C1S: variants seen among roughly 807,000 people sequenced by gnomAD.
The protein encoded by C1S is complement C1s, also known as complement C1s subcomponent.
A neutral mutation model predicts 54.0 loss-of-function variants in C1S; 31 were observed. That is an observed-to-expected ratio of 0.57 (90% CI 0.43 to 0.78). C1S has a LOEUF of 0.78. Ranked by LOEUF, C1S falls within the 30% of genes least tolerant of loss-of-function variation. C1S has a pLI of 0.00. For synonymous variants in C1S, 292 were observed against 303.6 expected, an observed-to-expected ratio of 0.96 and a Z score of 0.40; for missense variants, 727 against 851.8, an observed-to-expected ratio of 0.85 and a Z score of 1.82.
chr12:7,064,151 G>A (rs782084691), intron 4 of C1S, 116 bp from the exon 5 acceptor site: 11 of 1,011,556 alleles, frequency 1.1e-5, no homozygotes, highest in Non-Finnish European at 1.6e-5. Context: ...ATCCCTTGAC[G>A]GATCTTTAAG....
intron 3 of C1S, 99 bp from the exon 4 acceptor site, chr12:7,062,791 C>T: frequency 1.3e-6 from 2 of 1,495,236 alleles, no homozygotes. Context: ...GGAGTCAAGT[C>T]CTAGTGGCAT....
rs149949506 is a variant in C1S at position 7,062,041 on chromosome 12, G to A, written c.5+124G>A. On this transcript the variant is annotated intron_variant, in intron 2 of 11. Transcript: ENST00000360817. ...CCCCAGCACTTTGGGAGGCTGAGGC[G>A]GGAGGATTGCTTGAGCCCAGGACTT... 1,485 of 956,366 alleles carry A rather than the reference G, an allele frequency of 1.6e-3. 48 individuals are homozygous for A. The East Asian group carries it at 0.034, about 22-fold the overall frequency. 59.2% of individuals were successfully genotyped at this position (956,366 alleles called of 1,614,324 possible).
At chr12:7,064,156 T>C in intron 4 of C1S, 111 bp from the exon 5 acceptor site, 1 of 1,077,524 alleles carries the variant, frequency 9.3e-7, no homozygotes, top group Non-Finnish European at 1.4e-6. Flanking sequence ...TTGACGGATC[T>C]TTAAGCAATA....
In C1S at chr12:7,070,058, G is replaced by T. The variant is rs782452456; in HGVS notation, c.1474G>T (p.Val492Leu). ...AACAATGTATGTTGGGTCCACCTCA[G>T]TGCAGACCTCACGGCTGGCAAAATC... The part of the protein sequence containing the change: ...EPTMYVGSTS[V>L]QTSRLAKSKM... The change falls in exon 12 of 12, where the codon GTG (valine) becomes TTG (leucine). Residue 492 changes from valine to leucine, a missense_variant. By Grantham distance (32) the Val-to-Leu change is conservative. Around this residue, in one of 3 missense-constraint regions of C1S, gnomAD observed 360 missense variants for 453.6 expected, o/e 0.79. Transcript: ENST00000360817. This position sits in a 1 kb window ranked among gnomAD's most constrained non-coding sequence, Gnocchi z 4.9. The T allele has an allele frequency of 6.2e-7, 1 of 1,614,174 alleles. No individual in the cohort carries two copies. The highest frequency in any genetic ancestry group is 1.1e-5 in the South Asian group (1 of 91,080).
intron 9 of C1S, 89 bp from the exon 10 acceptor site, chr12:7,067,554 G>A (rs1937702483): frequency 6.9e-7 from 1 of 1,446,588 alleles, no homozygotes; most frequent in African/African-American, 1.4e-5. Context: ...ATATGGGGTG[G>A]GGAAGCAGTG....
In C1S at chr12:7,066,686, C is replaced by A; in HGVS notation, c.987+53C>A. 2 of 1,071,820 alleles carry A rather than the reference C, an allele frequency of 1.9e-6. 1 individual carries two copies. Among genetic ancestry groups the A allele is most frequent in the Middle Eastern group, 4.3e-4 (2 of 4,668 alleles). 66.4% of individuals were successfully genotyped at this position (1,071,820 alleles called of 1,614,324 possible). A position where few individuals can be genotyped will look rare whatever the true frequency, so the allele number is the denominator to read the frequency against. On this transcript the variant is annotated intron_variant, in intron 8 of 11. Transcript: ENST00000360817. ...GTCCCTGGCCCCAGATCAGGATGAG[C>A]GGACTGAAATTGTCCAGTTGTTTAC...
chr12:7,069,774 C>A, intron 11 of C1S, 81 bp from the exon 12 acceptor site: 1 of 1,196,808 alleles, frequency 8.4e-7, no homozygotes, highest in Non-Finnish European at 1.2e-6. Flanking sequence ...TAGCAGGTAA[C>A]ATTATGTGAG....
Position 7,062,594 on chromosome 12 carries a change from T to C in C1S, c.125T>C (p.Ile42Thr), listed in dbSNP as rs1429941374. The C allele has an allele frequency of 5.0e-6, 8 of 1,614,024 alleles. No homozygotes were observed. The highest frequency in any genetic ancestry group is 5.9e-6 in the Non-Finnish European group (7 of 1,180,008). Residue 42 changes from isoleucine (I) to threonine (T), a missense_variant, in exon 3 of 12, where the codon ATA becomes ACA. This residue lies in a region of C1S where 357 missense variants were observed against 365.4 expected (regional missense o/e 0.98). Coordinates refer to ENST00000360817, the MANE Select transcript of C1S (RefSeq NM_001734.5). ...YPSEVEKSWDIEVPEGYGIHL... is the reference protein window; with the variant it reads ...YPSEVEKSWDTEVPEGYGIHL... ...AGTGAGGTAGAGAAATCTTGGGACA[T>C]AGAAGTTCCTGAAGGGTATGGGATT...
chr12:7,061,203 A>G (rs1237261142), intron 1 of C1S: 2 of 152,340 alleles, frequency 1.3e-5, no homozygotes, highest in African/African-American at 2.4e-5. Flanking sequence ...GGAAGTTTTT[A>G]TGTTCCTTGT....
Position 7,067,741 on chromosome 12 carries a change from C to A in C1S, c.1165C>A (p.Pro389Thr), listed in dbSNP as rs782725964. Residue 389 changes from proline (P) to threonine (T), a missense_variant, in exon 10 of 12, where the codon CCA (proline) becomes ACA (threonine). Transcript: ENST00000360817. ...TGTCATCCGCTACACTTGTGAGGAGCCATATTACTACATGGAAAATGGAGG... is the reference window on the plus strand; with the variant it reads ...TGTCATCCGCTACACTTGTGAGGAGACATATTACTACATGGAAAATGGAGG... The part of the protein sequence containing the change: ...GSVIRYTCEE[P>T]YYYMENGGGG... 87 of 1,613,654 alleles carry A rather than the reference C, an allele frequency of 5.4e-5. No individual in the cohort carries two copies. Among genetic ancestry groups the A allele is most frequent in the Middle Eastern group, 1.6e-4 (1 of 6,076 alleles).
chr12:7,063,145 T>C (rs1565619977), intron 4 of C1S, 78 bp downstream of exon 4: 3 of 1,296,692 alleles, frequency 2.3e-6, no homozygotes, highest in East Asian at 4.6e-5. Flanking sequence ...AGCAACACAT[T>C]GAATGAGGAT....
At chr12:7,064,035 TACAC>T (rs374863140) in intron 4 of C1S, 5 of 571,140 alleles carry the variant, frequency 8.8e-6, no homozygotes, top group South Asian at 6.3e-5. Context: ...CTATGTCACT[TACAC>T]ACACACACCC....
At chr12:7,063,747 G>A (rs185627089) in intron 4 of C1S, among the ~76,000 whole-genome samples, 5 of 152,290 alleles carry the variant, frequency 3.3e-5, no homozygotes, top group Admixed American at 6.5e-5. Context: ...TGCCTAGGCC[G>A]GGCATGGTAG....
intron 6 of C1S, 155 bp downstream of exon 6, chr12:7,065,454 C>A: frequency 1.4e-6 from 1 of 717,100 alleles, no homozygotes; most frequent in Non-Finnish European, 2.5e-6. Context: ...CTCTTGGGCT[C>A]AAGCAAGCGT....
Position 7,066,505 on chromosome 12 carries a change from C to T in C1S, c.872-13C>T, listed in dbSNP as rs1937664233. On this transcript the variant is annotated splice_polypyrimidine_tract_variant and intron_variant, in intron 7 of 11. Coordinates refer to ENST00000360817, the MANE Select transcript of C1S (RefSeq NM_001734.5). ...TAATTTTTTCCTCCTGTCCCAACTT[C>T]TGTTCTTTCAAGCAATGCCCTGCCC... 1.3e-6 allele frequency: 2 copies of T among 1,514,776 alleles called. No individual in the cohort carries two copies. Among genetic ancestry groups the T allele is most frequent in the Admixed American group, 1.7e-5 (1 of 59,868 alleles). The allele number at this position is 1,514,776 out of a possible 1,614,324, so 93.8% of individuals were successfully genotyped here.
At chr12:7,065,456 AG>A (rs1555162031) in intron 6 of C1S, 157 bp downstream of exon 6, 5 of 715,474 alleles carry the variant, frequency 7.0e-6, no homozygotes, top group Non-Finnish European at 1.3e-5. Flanking sequence ...CTTGGGCTCA[AG>A]CAAGCGTCCC....
intron 5 of C1S, 32 bp from the exon 6 acceptor site, chr12:7,065,068 T>G: frequency 1.9e-6 from 3 of 1,561,798 alleles, no homozygotes; most frequent in Non-Finnish European, 2.6e-6. Flanking sequence ...TGACCCTGTA[T>G]TTGATTCTCC....
rs967973896 is a variant in C1S at position 7,070,971 on chromosome 12, C to T, written c.*320C>T. The stretch of plus-strand genomic sequence containing the variant: ...TTTCCTCTTTACCTGTTCAAAATTC[C>T]ATTTACTTGATCATTCTCAGTATCC... On this transcript the variant is annotated 3_prime_UTR_variant, in exon 12 of 12. Coordinates refer to ENST00000360817, the MANE Select transcript of C1S (RefSeq NM_001734.5). The surrounding 1 kb of genome is among the most constrained non-coding windows in gnomAD (Gnocchi z 4.9). The T allele has an allele frequency of 2.9e-6, 1 of 343,082 alleles. No homozygotes were observed. Among genetic ancestry groups the T allele is most frequent in the Non-Finnish European group, 5.5e-6 (1 of 182,082 alleles). The allele number at this position is 343,082 out of a possible 1,614,324, so 21.3% of individuals were successfully genotyped here.
Position 7,063,087 on chromosome 12 carries a change from A to G in C1S, c.391+20A>G. On this transcript the variant is annotated intron_variant, in intron 4 of 11. Transcript: ENST00000360817. ...CCACAGGTAAGGCTCACCCTTCTGCATGTGCCTTATTGACCCAGCTAAAAG... is the reference window on the plus strand; with the variant it reads ...CCACAGGTAAGGCTCACCCTTCTGCGTGTGCCTTATTGACCCAGCTAAAAG... 1 of 1,605,084 alleles carries G rather than the reference A, an allele frequency of 6.2e-7. No homozygotes were observed. The highest frequency in any genetic ancestry group is 8.5e-7 in the Non-Finnish European group (1 of 1,175,004).
Sources: allele counts gnomAD v4.1 joint callset (sites outside exome capture counted in the v4.1 genomes callset), GRCh38; gene constraint gnomAD v4.1.1; regional missense constraint gnomAD v4.1.1; non-coding constraint Gnocchi (gnomAD v3.1); transcripts MANE v1.5; gene names NCBI Gene and HGNC (gene_info 2026-07-23, HGNC 2026-07-21).